Variants in LARS2 observed in about 807,000 individuals in gnomAD.
The protein encoded by LARS2 is leucyl-tRNA synthetase 2, mitochondrial.
In LARS2, 81 loss-of-function variants were observed where a neutral mutation model predicts 116.6. The ratio of observed to expected loss-of-function variants is 0.69; its 90% CI spans 0.58 to 0.84. The LOEUF is 0.84. Ranked by LOEUF, LARS2 falls within the 40% of genes least tolerant of loss-of-function variation. The pLI, the probability that LARS2 is intolerant of heterozygous loss-of-function variation, is 0.00. For synonymous variants in LARS2, 396 were observed against 407.2 expected (o/e 0.97, Z 0.33); for missense variants, 968 against 1,114.5 (o/e 0.87, Z 1.87).
chr3:45,427,107 A>G (rs901385820), intron 6 of LARS2, among the ~76,000 whole-genome samples: 5 of 152,210 alleles, frequency 3.3e-5, no homozygotes, highest in Non-Finnish European at 5.9e-5. Flanking sequence ...ATAAGGGTAC[A>G]AAATCTCTCT....
chr3:45,469,410 A>G (rs948339962), intron 8 of LARS2, among the ~76,000 whole-genome samples: 2 of 152,078 alleles, frequency 1.3e-5, no homozygotes, highest in African/African-American at 4.8e-5. Flanking sequence ...CAATTGCACT[A>G]TCTCGGCTCA....
Position 45,488,789 on chromosome 3 carries a change from G to A in LARS2, c.1216G>A (p.Glu406Lys), listed in dbSNP as rs752109763. 5.6e-6 allele frequency: 9 copies of A among 1,611,800 alleles called. No individual in the cohort carries two copies. In the African/African-American group the frequency reaches 1.1e-4, roughly 19 times the overall value. The change falls in exon 12 of 22, where the codon GAG (glutamate) becomes AAG (lysine). Residue 406 changes from glutamate (E) to lysine (K), a missense_variant. Coordinates refer to ENST00000645846, the MANE Select transcript of LARS2 (RefSeq NM_015340.4). ...EVIETLPDGT[E>K]RLSSSAEFTG... is the part of the protein sequence containing the mutation. Reference sequence around the variant, plus strand: ...CATTGAAACTTTGCCAGATGGCACAGAGAGACTGAGCAGCTCTGCTGAGGT... The same window carrying A: ...CATTGAAACTTTGCCAGATGGCACAAAGAGACTGAGCAGCTCTGCTGAGGT...
At chr3:45,532,584 T>C (rs1006501650) in intron 20 of LARS2, among the ~76,000 whole-genome samples, 5 of 152,218 alleles carry the variant, frequency 3.3e-5, no homozygotes, top group Non-Finnish European at 5.9e-5. Context: ...TCAATATGCA[T>C]TGTTAGGTTA....
chr3:45,417,117 T>G (rs1251053264), intron 4 of LARS2, among the ~76,000 whole-genome samples: 1 of 151,146 alleles, frequency 6.6e-6, no homozygotes, highest in Non-Finnish European at 1.5e-5. Context: ...ACATGAGCAT[T>G]TGGAAAGCCT....
intron 8 of LARS2, among the ~76,000 whole-genome samples, chr3:45,467,518 A>G (rs1325734057): frequency 1.3e-5 from 2 of 152,224 alleles, no homozygotes; most frequent in Non-Finnish European, 2.9e-5. Context: ...AAGCATATAT[A>G]TAAACACACA....
intron 21 of LARS2, among the ~76,000 whole-genome samples, chr3:45,545,455 C>T (rs1700862205): frequency 6.6e-6 from 1 of 152,226 alleles, no homozygotes. Flanking sequence ...GCCCTTGAAG[C>T]TCAGGCTCAG....
chr3:45,453,963 CA>C (rs2125708088), intron 7 of LARS2, among the ~76,000 whole-genome samples: 1 of 151,878 alleles, frequency 6.6e-6, no homozygotes, highest in African/African-American at 2.4e-5. Context: ...GGCCAAGAGA[CA>C]AAAGCATGCT....
intron 21 of LARS2, among the ~76,000 whole-genome samples, chr3:45,545,107 A>G (rs1449468230): frequency 6.6e-6 from 1 of 152,214 alleles, no homozygotes; most frequent in Non-Finnish European, 1.5e-5. Flanking sequence ...ACTTCACTTC[A>G]TGTGCCTCAG....
At chr3:45,443,910 C>G (rs1698960856) in intron 6 of LARS2, among the ~76,000 whole-genome samples, 1 of 152,198 alleles carries the variant, frequency 6.6e-6, no homozygotes, top group Middle Eastern at 3.4e-3. Flanking sequence ...GCTGACACTT[C>G]CAAAGAGAAT....
rs115979301 is a variant in LARS2, at chr3:45,462,380, C to G, written c.750+3494C>G. 3.5e-3 allele frequency among the ~76,000 whole-genome samples: 527 copies of G among 150,208 alleles called. 2 individuals carry two copies. The highest frequency in any genetic ancestry group is 0.012 in the African/African-American group (494 of 40,458). ...GGAGGATCACTTGAGCCTAGGAGTT[C>G]AAGACCAGCTTAGGCAATATCGAGA... is the stretch of plus-strand genomic sequence containing the variant. On this transcript the variant is annotated intron_variant, in intron 8 of 21. Transcript: ENST00000645846.
At chr3:45,507,872 T>C (rs1463359436) in intron 15 of LARS2, among the ~76,000 whole-genome samples, 6 of 152,084 alleles carry the variant, frequency 3.9e-5, no homozygotes, top group African/African-American at 1.2e-4. Context: ...ATTTACAGTA[T>C]GGTATATATT....
At chr3:45,530,765 A>T (rs2118749) in intron 20 of LARS2, among the ~76,000 whole-genome samples, 1 of 152,074 alleles carries the variant, frequency 6.6e-6, no homozygotes, top group African/African-American at 2.4e-5. Context: ...TTGTGCTTCA[A>T]TGATTTAACT....
At chr3:45,419,563 T>C in intron 5 of LARS2, 106 bp from the exon 6 acceptor site, 1 of 866,678 alleles carries the variant, frequency 1.2e-6, no homozygotes, top group Non-Finnish European at 1.9e-6. Flanking sequence ...AAAACCCATT[T>C]GAATAATTTA....
chr3:45,533,974 A>G (rs1700661649), intron 20 of LARS2, among the ~76,000 whole-genome samples: 1 of 152,242 alleles, frequency 6.6e-6, no homozygotes, highest in African/African-American at 2.4e-5. Context: ...CAGTCATTCC[A>G]TAAACATTTA....
intron 20 of LARS2, among the ~76,000 whole-genome samples, chr3:45,527,775 T>C (rs1222211337): frequency 1.3e-5 from 2 of 152,262 alleles, no homozygotes; most frequent in African/African-American, 4.8e-5. Context: ...TCTTTGTGCT[T>C]TGACAAAATT....
intron 6 of LARS2, chr3:45,421,044 T>C (rs1334856994): frequency 6.6e-6 from 1 of 152,218 alleles, no homozygotes; most frequent in Non-Finnish European, 1.5e-5. Flanking sequence ...TATATCTCAT[T>C]AACTATTTGA....
chr3:45,411,606 G>T (rs1372764340), intron 4 of LARS2, among the ~76,000 whole-genome samples: 1 of 152,086 alleles, frequency 6.6e-6, no homozygotes, highest in Non-Finnish European at 1.5e-5. Flanking sequence ...TTTGTGCAGA[G>T]ATCCCTGATA....
At chr3:45,456,455 C>T (rs1812600) in intron 7 of LARS2, among the ~76,000 whole-genome samples, 78,999 of 151,922 alleles carry the variant, frequency 0.52, 24,390 homozygotes, top group East Asian at 0.68. Flanking sequence ...TGGTGGTGGG[C>T]GCCTAGAGTC....
chr3:45,397,665 G>A (rs189082011), intron 3 of LARS2, among the ~76,000 whole-genome samples: 46 of 152,242 alleles, frequency 3.0e-4, no homozygotes, highest in Admixed American at 2.7e-3. Context: ...CTTAGATCAA[G>A]GATTTTACTG....
Sources: allele counts gnomAD v4.1 joint callset (sites outside exome capture counted in the v4.1 genomes callset), GRCh38; gene constraint gnomAD v4.1.1; transcripts MANE v1.5; gene names NCBI Gene and HGNC (gene_info 2026-07-23, HGNC 2026-07-21).